LRRFIP2: variants seen among roughly 807,000 people sequenced by gnomAD.
The protein encoded by LRRFIP2 is LRR binding FLII interacting protein 2.
Under a neutral mutation model 125.9 loss-of-function variants are expected in LRRFIP2, and 109 were observed. The ratio of observed to expected loss-of-function variants is 0.87; its 90% CI spans 0.74 to 1.01. The LOEUF is 1.01. Among genes scored for constraint, LRRFIP2 ranks in the 50% least tolerant of loss-of-function variants. The probability of loss-of-function intolerance (pLI) is 0.00; values close to 1 mark genes in which losing one functional copy is unlikely to be tolerated. For missense variants in LRRFIP2, 850 were observed against 862.3 expected (o/e 0.99, Z 0.18); for synonymous variants, 291 against 293.1 (o/e 0.99, Z 0.07).
intron 2 of LRRFIP2, among the ~76,000 whole-genome samples, chr3:37,142,443 G>C (rs546445586): frequency 6.6e-6 from 1 of 152,080 alleles, no homozygotes; most frequent in Non-Finnish European, 1.5e-5. Context: ...TACCATGCTC[G>C]GCCAACCCAA....
At chr3:37,122,082 C>G (rs1415100098) in intron 4 of LRRFIP2, among the ~76,000 whole-genome samples, 1 of 114,622 alleles carries the variant, frequency 8.7e-6, no homozygotes, top group Non-Finnish European at 1.7e-5. Context: ...CCCCACCCCA[C>G]AACAAGCCCT....
At chr3:37,151,605 T>A (rs2150072986) in intron 1 of LRRFIP2, among the ~76,000 whole-genome samples, 1 of 151,336 alleles carries the variant, frequency 6.6e-6, no homozygotes, top group Non-Finnish European at 1.5e-5. Context: ...TTTTCTTTTT[T>A]TTTTTTTGTT....
At chr3:37,175,639 A>T (rs1046925400), upstream of LRRFIP2, among the ~76,000 whole-genome samples, 8 of 152,118 alleles carry the variant, frequency 5.3e-5, no homozygotes, top group Non-Finnish European at 1.2e-4. Flanking sequence ...AAGGAGGAAG[A>T]AGTAAAATTC....
Position 37,075,087 on chromosome 3 carries a change from A to T in LRRFIP2, c.1308T>A (p.Ser436Arg), listed in dbSNP as rs746874783. The part of the protein sequence containing the change: ...KELERQKHMC[S>R]VLQHKMEELK... Reference sequence around the variant, plus strand: ...GTTCTTCCATCTTATGCTGCAGCACACTACACATATGTTTCTGCCTTTCTA... The same window carrying T: ...GTTCTTCCATCTTATGCTGCAGCACTCTACACATATGTTTCTGCCTTTCTA... The change falls in exon 20 of 28, where the codon AGT (serine) becomes AGA (arginine). Residue 436 changes from serine to arginine, a missense_variant. Ser to Arg is a moderately radical substitution (Grantham distance 110, BLOSUM62 -1). Coordinates refer to ENST00000336686, the MANE Select transcript of LRRFIP2 (RefSeq NM_006309.4). The T allele has an allele frequency of 1.2e-6, 2 of 1,612,194 alleles. No homozygotes were observed. The highest frequency in any genetic ancestry group is 1.1e-5 in the South Asian group (1 of 91,048).
intron 23 of LRRFIP2, 90 bp from the exon 24 acceptor site, chr3:37,063,881 A>G: frequency 2.4e-6 from 2 of 849,386 alleles, no homozygotes; most frequent in Non-Finnish European, 4.0e-6. Flanking sequence ...AACAGCTAAT[A>G]TTATCTGATA....
intron 14 of LRRFIP2, among the ~76,000 whole-genome samples, chr3:37,103,626 C>T (rs1038627604): frequency 2.6e-5 from 4 of 152,192 alleles, no homozygotes; most frequent in Non-Finnish European, 4.4e-5. Flanking sequence ...GCTCTTCAAG[C>T]AACTGGCTCC....
At position 37,058,867 on chromosome 3, in the gene LRRFIP2, C is replaced by G; in HGVS notation, c.1793G>C (p.Cys598Ser). Reference protein sequence around the residue: ...KLQLEEERQKCSRNDGTVGDL... With the variant: ...KLQLEEERQKSSRNDGTVGDL... ...ACCCACTGTGCCATCATTCCTGGAG[C>G]ATTTCTGTCGTTCCTCCTCTAACTG... Residue 598 changes from cysteine (C) to serine (S), a missense_variant, in exon 25 of 28, where the codon TGC becomes TCC. Cys to Ser is a moderately radical substitution (Grantham distance 112). Transcript: ENST00000336686. 1 of 1,613,946 alleles carries G rather than the reference C, an allele frequency of 6.2e-7. No homozygotes were observed. Among genetic ancestry groups the G allele is most frequent in the Non-Finnish European group, 8.5e-7 (1 of 1,179,948 alleles).
intron 4 of LRRFIP2, among the ~76,000 whole-genome samples, chr3:37,123,482 C>T (rs1032344196): frequency 1.3e-5 from 2 of 152,160 alleles, no homozygotes; most frequent in African/African-American, 4.8e-5. Flanking sequence ...AGCCACCATG[C>T]CTGGCCACTG....
chr3:37,056,531 G>A (rs2086918457), intron 25 of LRRFIP2, among the ~76,000 whole-genome samples: 2 of 151,332 alleles, frequency 1.3e-5, no homozygotes, highest in South Asian at 4.2e-4. Context: ...TCGGCTCACT[G>A]CAAGCTCCAT....
chr3:37,123,452 G>A (rs896289423), intron 4 of LRRFIP2, among the ~76,000 whole-genome samples: 1 of 152,134 alleles, frequency 6.6e-6, no homozygotes, highest in African/African-American at 2.4e-5. Flanking sequence ...GCCTTCCAAA[G>A]TGCTGGTATT....
At chr3:37,146,180 G>A (rs753533073) in intron 2 of LRRFIP2, among the ~76,000 whole-genome samples, 12 of 152,104 alleles carry the variant, frequency 7.9e-5, no homozygotes, top group Admixed American at 2.0e-4. Context: ...GAAACATTCT[G>A]GGTAGTTTCA....
At chr3:37,097,863 A>G (rs559024782) in intron 15 of LRRFIP2, among the ~76,000 whole-genome samples, 2 of 152,310 alleles carry the variant, frequency 1.3e-5, no homozygotes, top group South Asian at 4.1e-4. Context: ...ACCTGAATAT[A>G]TATGTTATTC....
chr3:37,105,931 G>T (rs1158958269), intron 13 of LRRFIP2, among the ~76,000 whole-genome samples: 1 of 152,126 alleles, frequency 6.6e-6, no homozygotes, highest in East Asian at 1.9e-4. Flanking sequence ...CGGGTATGGT[G>T]GCGGGTGCCT....
At chr3:37,118,998 A>T (rs173051) in intron 6 of LRRFIP2, among the ~76,000 whole-genome samples, 129,334 of 152,138 alleles carry the variant, frequency 0.85, 55,578 homozygotes, top group African/African-American at 0.97. Context: ...CTTAGAACTC[A>T]CAATATTATT....
chr3:37,121,208 T>C (rs2095023838), intron 6 of LRRFIP2, among the ~76,000 whole-genome samples: 1 of 152,140 alleles, frequency 6.6e-6, no homozygotes, highest in South Asian at 2.1e-4. Context: ...ACAAGATCAA[T>C]CTTAATTATT....
At chr3:37,121,841 C>CGTGTGTGTGTGT (rs60540567) in intron 4 of LRRFIP2, 150 bp from the exon 5 acceptor site, 100 of 521,608 alleles carry the variant, frequency 1.9e-4, no homozygotes, top group African/African-American at 1.8e-3. Context: ...CAGCCACATT[C>CGTGTGTGTGTGT]GTGTGTGTGT....
intron 18 of LRRFIP2, among the ~76,000 whole-genome samples, chr3:37,089,225 A>C (rs934283487): frequency 3.9e-5 from 6 of 152,160 alleles, no homozygotes; most frequent in African/African-American, 1.2e-4. Context: ...AAAATCGTTA[A>C]TCTTTCATGA....
At chr3:37,080,632 T>G (rs186426961) in intron 19 of LRRFIP2, among the ~76,000 whole-genome samples, 5 of 152,108 alleles carry the variant, frequency 3.3e-5, no homozygotes, top group African/African-American at 1.2e-4. Flanking sequence ...TAAGCCTCTG[T>G]GCCTAACTAC....
chr3:37,086,086 G>A (rs9856735), intron 18 of LRRFIP2, among the ~76,000 whole-genome samples: 5,831 of 152,186 alleles, frequency 0.038, 321 homozygotes, highest in African/African-American at 0.12. Context: ...CTCCAAAGAG[G>A]ATATGCAAAT....
Sources: allele counts gnomAD v4.1 joint callset (sites outside exome capture counted in the v4.1 genomes callset), GRCh38; gene constraint gnomAD v4.1.1; transcripts MANE v1.5; gene names NCBI Gene and HGNC (gene_info 2026-07-23, HGNC 2026-07-21).